The following ADAMTS12 variants were observed in gnomAD, a reference collection of about 807,000 sequenced individuals.
The protein encoded by ADAMTS12 is A disintegrin and metalloproteinase with thrombospondin motifs 12.
Under a neutral mutation model 167.8 loss-of-function variants are expected in ADAMTS12, and 118 were observed. The ratio of observed to expected loss-of-function variants is 0.70; its 90% CI spans 0.61 to 0.82. The LOEUF is 0.82. Among genes scored for constraint, ADAMTS12 ranks in the 40% least tolerant of loss-of-function variants. The pLI, the probability that ADAMTS12 is intolerant of heterozygous loss-of-function variation, is 0.00. For synonymous variants in ADAMTS12, 704 were observed against 716.9 expected, an observed-to-expected ratio of 0.98 and a Z score of 0.29; for missense variants, 1,916 against 1,998.8, an observed-to-expected ratio of 0.96 and a Z score of 0.79.
At chr5:33,649,428 C>T in intron 8 of ADAMTS12, 126 bp downstream of exon 8, 1 of 1,230,722 alleles carries the variant, frequency 8.1e-7, no homozygotes, top group Non-Finnish European at 1.1e-6. Flanking sequence ...CTGATGCCAC[C>T]CTGACATGGT....
At chr5:33,573,926 A>G in intron 19 of ADAMTS12, among the ~76,000 whole-genome samples, 1 of 152,266 alleles carries the variant, frequency 6.6e-6, no homozygotes, top group Non-Finnish European at 1.5e-5. Context: ...CCCATCGAAA[A>G]GTGGGCAAAG....
At chr5:33,564,720 T>C (rs901198700) in intron 19 of ADAMTS12, among the ~76,000 whole-genome samples, 3 of 152,194 alleles carry the variant, frequency 2.0e-5, no homozygotes, top group African/African-American at 7.2e-5. Flanking sequence ...TAAGGGACTT[T>C]CCTGAATGTC....
At chr5:33,799,024 T>A (rs1481484384) in intron 2 of ADAMTS12, among the ~76,000 whole-genome samples, 4 of 152,112 alleles carry the variant, frequency 2.6e-5, no homozygotes, top group Non-Finnish European at 4.4e-5. Flanking sequence ...CACCATCTAC[T>A]TGTGGACAAG....
At chr5:33,623,635 G>A (rs1739436678) in intron 14 of ADAMTS12, among the ~76,000 whole-genome samples, 3 of 152,212 alleles carry the variant, frequency 2.0e-5, no homozygotes, top group African/African-American at 2.4e-5. Context: ...GGGATGCTAG[G>A]TGGAGGAGCT....
intron 3 of ADAMTS12, among the ~76,000 whole-genome samples, chr5:33,723,183 T>C (rs1175198889): frequency 1.3e-5 from 2 of 152,124 alleles, no homozygotes; most frequent in African/African-American, 4.8e-5. Flanking sequence ...CCCTCCCCAT[T>C]TTACTGTCAT....
chr5:33,588,515 C>A (rs1407784049), intron 18 of ADAMTS12, 84 bp downstream of exon 18: 15 of 1,537,974 alleles, frequency 9.8e-6, no homozygotes, highest in Non-Finnish European at 1.3e-5. Flanking sequence ...TACCTAGGGT[C>A]ACTTTGGATT....
intron 20 of ADAMTS12, among the ~76,000 whole-genome samples, chr5:33,556,193 T>C (rs1745481918): frequency 6.6e-6 from 1 of 152,212 alleles, no homozygotes; most frequent in Admixed American, 6.5e-5. Flanking sequence ...GTGAGAAAAC[T>C]AAAGCTCCTA....
chr5:33,548,017 T>C (rs1349498630), intron 21 of ADAMTS12, among the ~76,000 whole-genome samples: 1 of 152,124 alleles, frequency 6.6e-6, no homozygotes, highest in East Asian at 1.9e-4. Context: ...CCCAGAAAAC[T>C]CTAGCTAGTG....
chr5:33,805,226 C>T (rs7737447), intron 2 of ADAMTS12, among the ~76,000 whole-genome samples: 79,316 of 152,012 alleles, frequency 0.52, 21,254 homozygotes, highest in East Asian at 0.78. Flanking sequence ...CAAATACTTC[C>T]ACTACCTGGG....
At chr5:33,792,216 G>A (rs983503440) in intron 2 of ADAMTS12, among the ~76,000 whole-genome samples, 2 of 151,998 alleles carry the variant, frequency 1.3e-5, no homozygotes, top group Admixed American at 6.6e-5. Flanking sequence ...GGCTGGTCTC[G>A]AACTCCTGAC....
chr5:33,716,079 G>A (rs960281765), intron 3 of ADAMTS12, among the ~76,000 whole-genome samples: 1 of 152,120 alleles, frequency 6.6e-6, no homozygotes, highest in African/African-American at 2.4e-5. Context: ...AAACTCATTT[G>A]TTGAAACTGA....
rs543344054 is a variant in ADAMTS12, at chr5:33,548,064, G to C, written c.4302+1143C>G. On this transcript the variant is annotated intron_variant, in intron 21 of 23. Transcript: ENST00000504830. ...CAGGAATCAGTGTGGATGCTTGGCC[G>C]GTGGGTGGTAAGTAACTCGGGGCTC... Among the ~76,000 whole-genome samples, 25 of 152,306 alleles carry C rather than the reference G, an allele frequency of 1.6e-4. No individual in the cohort carries two copies. In the South Asian group the frequency reaches 5.0e-3, roughly 30 times the overall value.
At chr5:33,607,362 G>C (rs76394888) in intron 16 of ADAMTS12, among the ~76,000 whole-genome samples, 2,472 of 152,224 alleles carry the variant, frequency 0.016, 66 homozygotes, top group African/African-American at 0.055. Flanking sequence ...GTTCAGCAAG[G>C]TTGCCGGATA....
chr5:33,661,821 G>C, intron 6 of ADAMTS12, 95 bp downstream of exon 6: 1 of 1,531,436 alleles, frequency 6.5e-7, no homozygotes, highest in African/African-American at 1.4e-5. Context: ...GCAAAGAATA[G>C]TGAGAATGTC....
At chr5:33,701,226 G>T (rs945888970) in intron 3 of ADAMTS12, among the ~76,000 whole-genome samples, 1 of 152,196 alleles carries the variant, frequency 6.6e-6, no homozygotes, top group African/African-American at 2.4e-5. Context: ...TCTACTAAGG[G>T]ATTTTCTCCA....
chr5:33,660,616 G>T (rs1198098369), intron 6 of ADAMTS12, among the ~76,000 whole-genome samples: 2 of 152,118 alleles, frequency 1.3e-5, no homozygotes, highest in East Asian at 1.9e-4. Context: ...TGACTCTGGG[G>T]TTCTTCCCTA....
chr5:33,712,139 G>C (rs1343054811), intron 3 of ADAMTS12, among the ~76,000 whole-genome samples: 1 of 151,892 alleles, frequency 6.6e-6, no homozygotes, highest in Non-Finnish European at 1.5e-5. Context: ...TAAATGACTT[G>C]ATGCATAAAC....
intron 3 of ADAMTS12, among the ~76,000 whole-genome samples, chr5:33,715,682 T>G (rs989994261): frequency 1.3e-5 from 2 of 152,152 alleles, no homozygotes; most frequent in African/African-American, 4.8e-5. Flanking sequence ...TTCTGTATGC[T>G]TCTCCTCTGT....
At chr5:33,749,593 C>T (rs1042728448) in intron 3 of ADAMTS12, among the ~76,000 whole-genome samples, 1 of 152,064 alleles carries the variant, frequency 6.6e-6, no homozygotes, top group Admixed American at 6.6e-5. Flanking sequence ...AGAAATTCCA[C>T]CTGGTGGAAA....
Sources: gnomAD v4.1 joint callset for allele counts (sites outside exome capture counted in the v4.1 genomes callset) on GRCh38, gnomAD v4.1.1 for gene constraint, MANE v1.5 for transcripts, NCBI Gene and HGNC (gene_info 2026-07-23, HGNC 2026-07-21) for gene names.